The following ENG variants were observed in gnomAD, a reference collection of about 807,000 sequenced individuals.
ENG encodes the protein CD105 antigen.
A neutral mutation model predicts 71.0 loss-of-function variants in ENG; 17 were observed. The observed-to-expected ratio is 0.24, with a 90% CI of 0.16 to 0.36. ENG has a LOEUF of 0.36. Among genes scored for constraint, ENG ranks in the 10% least tolerant of loss-of-function variants. The probability of loss-of-function intolerance (pLI) is 1.00; values close to 1 mark genes in which losing one functional copy is unlikely to be tolerated. For synonymous variants in ENG, 360 were observed against 366.9 expected, an observed-to-expected ratio of 0.98 and a Z score of 0.21; for missense variants, 749 against 868.3, an observed-to-expected ratio of 0.86 and a Z score of 1.73.
chr9:127,818,229 C>T lies in ENG; in HGVS notation c.1577G>A (p.Gly526Asp). 1 of 1,614,202 alleles carries T rather than the reference C, an allele frequency of 6.2e-7. No homozygotes were observed. Among genetic ancestry groups the T allele is most frequent in the Non-Finnish European group, 8.5e-7 (1 of 1,180,024 alleles). ...CVSLLSPSPEGDPRFSFLLHF... is the reference protein window; with the variant it reads ...CVSLLSPSPEDDPRFSFLLHF... Reference sequence around the variant, plus strand: ...GAGGAGGAAGCTGAAGCGCGGGTCACCCTCGGGGCTTGGGGACAGCAGGCT... The same window carrying T: ...GAGGAGGAAGCTGAAGCGCGGGTCATCCTCGGGGCTTGGGGACAGCAGGCT... The change falls in exon 12 of 15, where the codon GGT becomes GAT. Residue 526 changes from glycine to aspartate, a missense_variant. Gly to Asp is a moderately conservative substitution (Grantham distance 94, BLOSUM62 -1). Coordinates refer to ENST00000373203, the MANE Select transcript of ENG (RefSeq NM_001114753.3).
At position 127,838,976 on chromosome 9, in the gene ENG, C is replaced by T. The variant is rs866849855; in HGVS notation, c.219+4118G>A. On this transcript the variant is annotated intron_variant, in intron 2 of 14. Coordinates refer to ENST00000373203, the MANE Select transcript of ENG (RefSeq NM_001114753.3). This position sits in a 1 kb window ranked among gnomAD's most constrained non-coding sequence, Gnocchi z 4.3. The stretch of plus-strand genomic sequence containing the variant: ...TCTCTGTGCCAGAGATCGAAGAAGC[C>T]GGCCATAGGTCAGGAGGGATCCGGC... Among the ~76,000 whole-genome samples the T allele has an allele frequency of 6.6e-6, 1 of 152,160 alleles. No individual in the cohort carries two copies. Among genetic ancestry groups the T allele is most frequent in the Non-Finnish European group, 1.5e-5 (1 of 68,024 alleles).
At chr9:127,845,139 G>A (rs1375756501) in intron 1 of ENG, among the ~76,000 whole-genome samples, 3 of 152,198 alleles carry the variant, frequency 2.0e-5, no homozygotes, top group Non-Finnish European at 4.4e-5. Flanking sequence ...CCATCTTGTC[G>A]CGCTCACTTC....
rs1830392584 is a variant in ENG at position 127,818,622 on chromosome 9, G to A, written c.1428+94C>T. On this transcript the variant is annotated intron_variant, in intron 11 of 14. Transcript: ENST00000373203. ...CAGGCTGTCTCCCTCCTGACTCTGG[G>A]AGTCTCATCTCCTCTGGAGTCATGG... The A allele has an allele frequency of 4.8e-6, 7 of 1,461,312 alleles. No individual in the cohort carries two copies. In the South Asian group the frequency reaches 8.0e-5, roughly 17 times the overall value. The allele number at this position is 1,461,312 out of a possible 1,614,324, so 90.5% of individuals were successfully genotyped here.
intron 4 of ENG, 127 bp from the exon 5 acceptor site, chr9:127,825,987 C>G (rs2131889756): frequency 7.8e-7 from 1 of 1,285,062 alleles, no homozygotes; most frequent in Non-Finnish European, 1.1e-6. Flanking sequence ...GGAGAGGCGT[C>G]AGAGGACCTA....
intron 1 of ENG, among the ~76,000 whole-genome samples, chr9:127,854,047 C>T (rs1358958335): frequency 1.3e-5 from 2 of 152,206 alleles, no homozygotes; most frequent in Non-Finnish European, 2.9e-5. Context: ...GGTGAGCAGA[C>T]GCCAGAGACC....
intron 2 of ENG, 136 bp from the exon 3 acceptor site, chr9:127,829,963 C>T (rs1830723798): frequency 8.3e-7 from 1 of 1,211,690 alleles, no homozygotes; most frequent in Non-Finnish European, 1.2e-6. Flanking sequence ...CTCCCAGTGC[C>T]CAGGGTAGTG....
chr9:127,851,894 A>T (rs570747627), intron 1 of ENG, among the ~76,000 whole-genome samples: 1 of 152,284 alleles, frequency 6.6e-6, no homozygotes, highest in East Asian at 1.9e-4. Flanking sequence ...TTTAAAAAAG[A>T]AAGTGAAAGT....
At chr9:127,817,294 G>A (rs930553707) in intron 12 of ENG, 91 bp from the exon 13 acceptor site, 11 of 1,373,258 alleles carry the variant, frequency 8.0e-6, no homozygotes, top group Non-Finnish European at 1.0e-5. Context: ...CCACCCTAGA[G>A]CCTTGGCTTT....
intron 2 of ENG, among the ~76,000 whole-genome samples, chr9:127,834,668 G>T (rs764918075): frequency 6.6e-6 from 1 of 151,876 alleles, no homozygotes; most frequent in Non-Finnish European, 1.5e-5. Context: ...CTCCCAAAGT[G>T]CTGGGATTAT....
intron 8 of ENG, among the ~76,000 whole-genome samples, chr9:127,821,899 AAAAAG>A (rs1182777778): frequency 1.3e-5 from 2 of 149,440 alleles, no homozygotes; most frequent in East Asian, 3.9e-4. Flanking sequence ...AAAAAAAAAA[AAAAAG>A]CCAGGCGTGG....
Position 127,815,412 on chromosome 9 carries a change from A to T in ENG, c.*270T>A. The T allele has an allele frequency of 1.9e-6, 1 of 531,376 alleles. No homozygotes were observed. Among genetic ancestry groups the T allele is most frequent in the Non-Finnish European group, 3.2e-6 (1 of 310,608 alleles). 32.9% of individuals were successfully genotyped at this position (531,376 alleles called of 1,614,324 possible). On this transcript the variant is annotated 3_prime_UTR_variant, in exon 15 of 15. Coordinates refer to ENST00000373203, the MANE Select transcript of ENG (RefSeq NM_001114753.3). The stretch of plus-strand genomic sequence containing the variant: ...TCAAATGACAGGGACTTGGGTTTTT[A>T]CAACAGCGTGGCAAGTGGTCTGTCT...
chr9:127,828,639 C>G (rs952947523), intron 3 of ENG, among the ~76,000 whole-genome samples: 1 of 152,146 alleles, frequency 6.6e-6, no homozygotes, highest in Non-Finnish European at 1.5e-5. Flanking sequence ...TCTGGGCGGC[C>G]GAGGGATGGG....
At chr9:127,823,498 C>T (rs1197712217) in intron 8 of ENG, among the ~76,000 whole-genome samples, 1 of 151,094 alleles carries the variant, frequency 6.6e-6, no homozygotes, top group East Asian at 1.9e-4. Context: ...ACACCATTCT[C>T]CTGCCTCAGC....
At chr9:127,819,524 G>C in intron 10 of ENG, 98 bp downstream of exon 10, 7 of 1,543,758 alleles carry the variant, frequency 4.5e-6, no homozygotes, top group Non-Finnish European at 6.2e-6. Context: ...GGCTTGCCAG[G>C]AGTTTCCCGA....
rs1830954527 is a variant in ENG at position 127,838,475 on chromosome 9, C to A, written c.219+4619G>T. Among the ~76,000 whole-genome samples the A allele has an allele frequency of 6.6e-6, 1 of 152,170 alleles. No homozygotes were observed. The highest frequency in any genetic ancestry group is 2.1e-4 in the South Asian group (1 of 4,830). On this transcript the variant is annotated intron_variant, in intron 2 of 14. Coordinates refer to ENST00000373203, the MANE Select transcript of ENG (RefSeq NM_001114753.3). This position sits in a 1 kb window ranked among gnomAD's most constrained non-coding sequence, Gnocchi z 4.3. Reference sequence around the variant, plus strand: ...CAGTCTGGGGGAGCTAAGGTCCCTCCCGGCTCTCTCTCTCTGCCTGAGTGG... The same window carrying A: ...CAGTCTGGGGGAGCTAAGGTCCCTCACGGCTCTCTCTCTCTGCCTGAGTGG...
At chr9:127,853,029 T>A (rs1206997821) in intron 1 of ENG, among the ~76,000 whole-genome samples, 1 of 152,098 alleles carries the variant, frequency 6.6e-6, no homozygotes, top group Non-Finnish European at 1.5e-5. Flanking sequence ...CCTTTTCTCT[T>A]CTGTAAAATG....
chr9:127,820,663 C>T (rs1039955620), intron 8 of ENG, among the ~76,000 whole-genome samples: 1 of 150,982 alleles, frequency 6.6e-6, no homozygotes, highest in Non-Finnish European at 1.5e-5. Context: ...CCCGTCTCTA[C>T]TAAAAATACA....
chr9:127,831,382 TTTTTTTTTTC>T (rs1394343592), intron 2 of ENG, among the ~76,000 whole-genome samples: 5 of 151,276 alleles, frequency 3.3e-5, no homozygotes, highest in East Asian at 1.9e-4. Context: ...GGTTGGCTTT[TTTTTTTTTTC>T]TTTTTTTTTC....
chr9:127,816,037 G>C lies in ENG; in HGVS notation c.1758C>G (p.Gly586=). 1 of 1,610,240 alleles carries C rather than the reference G, an allele frequency of 6.2e-7. No individual in the cohort carries two copies. The highest frequency in any genetic ancestry group is 8.5e-7 in the Non-Finnish European group (1 of 1,179,150). ...SPDLSGCTSK[G]LVLPAVLGIT... is the part of the protein sequence containing the mutation. ...TGCCCAGCACGGCGGGCAGGACGAGGCCTTTGCTTGTGCAACCTAGAGAGG... is the reference window on the plus strand; with the variant it reads ...TGCCCAGCACGGCGGGCAGGACGAGCCCTTTGCTTGTGCAACCTAGAGAGG... The change falls in exon 14 of 15, where the codon GGC becomes GGG. Residue 586 remains glycine (G), a synonymous_variant. Coordinates refer to ENST00000373203, the MANE Select transcript of ENG (RefSeq NM_001114753.3).
Sources: allele counts gnomAD v4.1 joint callset (sites outside exome capture counted in the v4.1 genomes callset), GRCh38; gene constraint gnomAD v4.1.1; non-coding constraint Gnocchi (gnomAD v3.1); transcripts MANE v1.5; gene names NCBI Gene and HGNC (gene_info 2026-07-23, HGNC 2026-07-21).